Variants in KCNJ3 observed in about 807,000 individuals in gnomAD.
The protein encoded by KCNJ3 is potassium inwardly rectifying channel subfamily J member 3.
A neutral mutation model predicts 39.2 loss-of-function variants in KCNJ3; 4 were observed. The observed-to-expected ratio is 0.10, with a 90% CI of 0.05 to 0.23. The LOEUF is 0.23. KCNJ3 is among the 10% of genes least tolerant of loss of function. The pLI is 1.00. For synonymous variants in KCNJ3, 230 were observed against 237.4 expected, an observed-to-expected ratio of 0.97 and a Z score of 0.29; for missense variants, 276 against 634.9, an observed-to-expected ratio of 0.43 and a Z score of 6.08.
intron 2 of KCNJ3, among the ~76,000 whole-genome samples, chr2:154,752,039 A>T (rs1685853600): frequency 6.6e-6 from 1 of 151,994 alleles, no homozygotes; most frequent in Non-Finnish European, 1.5e-5. Context: ...TCACACCATA[A>T]CACCAATTAA....
chr2:154,850,527 T>C (rs1413048910), intron 2 of KCNJ3, among the ~76,000 whole-genome samples: 1 of 152,204 alleles, frequency 6.6e-6, no homozygotes, highest in Non-Finnish European at 1.5e-5. Flanking sequence ...AGATGCAGAT[T>C]GGCAAACATA....
At chr2:154,774,637 T>C (rs1686300737) in intron 2 of KCNJ3, among the ~76,000 whole-genome samples, 1 of 152,226 alleles carries the variant, frequency 6.6e-6, no homozygotes, top group African/African-American at 2.4e-5. Context: ...TCATGAAATG[T>C]TTAAATCAAG....
intron 2 of KCNJ3, among the ~76,000 whole-genome samples, chr2:154,750,253 TTAAC>T (rs1177394949): frequency 2.0e-5 from 3 of 152,022 alleles, no homozygotes; most frequent in Admixed American, 6.6e-5. Context: ...AATTAAGTGA[TTAAC>T]TGACAAAGAC....
chr2:154,754,120 G>T (rs1402498361), intron 2 of KCNJ3, among the ~76,000 whole-genome samples: 2 of 152,082 alleles, frequency 1.3e-5, no homozygotes, highest in South Asian at 4.1e-4. Flanking sequence ...ATCTATTCCC[G>T]TTTTGTATCA....
rs373062062 is a variant in KCNJ3, at chr2:154,850,008, C to CTTTTTTTTTTTTTTT, written c.920-4697_920-4683dup. Among the ~76,000 whole-genome samples the CTTTTTTTTTTTTTTT allele has an allele frequency of 3.7e-4, 18 of 48,834 alleles. 1 individual carries two copies. Among genetic ancestry groups the CTTTTTTTTTTTTTTT allele is most frequent in the Non-Finnish European group, 5.7e-4 (16 of 27,946 alleles). 32.0% of individuals were successfully genotyped at this position (48,834 alleles called of 152,430 possible). On this transcript the variant is annotated intron_variant, in intron 2 of 2. Transcript: ENST00000295101. ...TTGCAATGCAATGTACAGAATAAAT[C>CTTTTTTTTTTTTTTT]TTTTTTTTTTTTTTTTTTTTTTTTT...
intron 2 of KCNJ3, among the ~76,000 whole-genome samples, chr2:154,802,995 T>G (rs1190649982): frequency 6.6e-6 from 1 of 151,992 alleles, no homozygotes. Flanking sequence ...AAACCAATAA[T>G]GTAATGTAAT....
chr2:154,845,480 T>C (rs542206623), intron 2 of KCNJ3, among the ~76,000 whole-genome samples: 2 of 152,300 alleles, frequency 1.3e-5, no homozygotes, highest in Admixed American at 6.5e-5. Flanking sequence ...TTTTATATTA[T>C]ATTGTAGTTA....
At chr2:154,751,500 T>A (rs899341322) in intron 2 of KCNJ3, among the ~76,000 whole-genome samples, 5 of 152,092 alleles carry the variant, frequency 3.3e-5, no homozygotes. Flanking sequence ...TCCTATATGA[T>A]CTGCATCCAT....
chr2:154,705,029 A>G (rs1684978136), intron 1 of KCNJ3, among the ~76,000 whole-genome samples: 1 of 152,134 alleles, frequency 6.6e-6, no homozygotes, highest in Non-Finnish European at 1.5e-5. Context: ...TTTTCCAGCA[A>G]GGACTTGTGA....
intron 2 of KCNJ3, among the ~76,000 whole-genome samples, chr2:154,757,098 C>T (rs1346595784): frequency 6.6e-6 from 1 of 151,998 alleles, no homozygotes; most frequent in Non-Finnish European, 1.5e-5. Context: ...ATATTTTCCA[C>T]AGCAACATGG....
Position 154,698,837 on chromosome 2 carries a change from G to A in KCNJ3, c.62G>A (p.Gly21Asp). 1 of 1,614,162 alleles carries A rather than the reference G, an allele frequency of 6.2e-7. No individual in the cohort carries two copies. The highest frequency in any genetic ancestry group is 8.5e-7 in the Non-Finnish European group (1 of 1,180,020). Residue 21 changes from glycine to aspartate, a missense_variant, in exon 1 of 3, where the codon GGC becomes GAC. This residue lies in a region of KCNJ3 where 27 missense variants were observed against 48.5 expected (regional missense o/e 0.56). Coordinates refer to ENST00000295101, the MANE Select transcript of KCNJ3 (RefSeq NM_002239.4). ...DYQVVTTSSS[G>D]SGLQPQGPGQ... is the part of the protein sequence containing the mutation. ...CAGGTAGTGACCACATCGTCCAGCG[G>A]CTCGGGCTTGCAGCCCCAGGGGCCA...
chr2:154,765,271 T>G (rs1157444104), intron 2 of KCNJ3, among the ~76,000 whole-genome samples: 1 of 152,212 alleles, frequency 6.6e-6, no homozygotes, highest in African/African-American at 2.4e-5. Context: ...AAGGAAGGCT[T>G]CTTTTATCCC....
intron 2 of KCNJ3, among the ~76,000 whole-genome samples, chr2:154,826,401 C>A (rs551895950): frequency 6.6e-6 from 1 of 152,066 alleles, no homozygotes; most frequent in Non-Finnish European, 1.5e-5. Context: ...GAATTTCAGA[C>A]CCTTATGTTG....
chr2:154,747,101 T>G (rs1685759532), intron 2 of KCNJ3, among the ~76,000 whole-genome samples: 1 of 152,020 alleles, frequency 6.6e-6, no homozygotes. Context: ...GAGAGTTGTG[T>G]TTTATAGTTA....
chr2:154,708,854 G>T (rs1307576829), intron 1 of KCNJ3, among the ~76,000 whole-genome samples: 1 of 152,060 alleles, frequency 6.6e-6, no homozygotes, highest in Non-Finnish European at 1.5e-5. Context: ...ATGTTTCTCA[G>T]GTATAGCTTT....
intron 2 of KCNJ3, among the ~76,000 whole-genome samples, chr2:154,779,474 A>G (rs1420185780): frequency 1.5e-5 from 2 of 133,682 alleles, no homozygotes; most frequent in Non-Finnish European, 3.1e-5. Context: ...TGTTGTATAT[A>G]TTATATATAT....
intron 2 of KCNJ3, among the ~76,000 whole-genome samples, chr2:154,716,436 T>G (rs951924045): frequency 6.6e-6 from 1 of 151,976 alleles, no homozygotes; most frequent in Admixed American, 6.6e-5. Context: ...ATTATTTTTT[T>G]TCTTTGATTA....
chr2:154,781,545 A>G (rs1397439293), intron 2 of KCNJ3, among the ~76,000 whole-genome samples: 4 of 152,206 alleles, frequency 2.6e-5, no homozygotes, highest in Admixed American at 2.6e-4. Flanking sequence ...GGATGCAAGA[A>G]TTAGCTGTGA....
chr2:154,776,706 GAAGAA>G (rs1686341068), intron 2 of KCNJ3, among the ~76,000 whole-genome samples: 1 of 151,866 alleles, frequency 6.6e-6, no homozygotes, highest in Non-Finnish European at 1.5e-5. Flanking sequence ...TAGTCCCTCT[GAAGAA>G]AAGATACGTA....
Sources: allele counts gnomAD v4.1 joint callset (sites outside exome capture counted in the v4.1 genomes callset), GRCh38; gene constraint gnomAD v4.1.1; regional missense constraint gnomAD v4.1.1; transcripts MANE v1.5; gene names NCBI Gene and HGNC (gene_info 2026-07-23, HGNC 2026-07-21).